CMPK2: variants seen among roughly 807,000 people sequenced by gnomAD.
CMPK2 encodes the protein cytidine/uridine monophosphate kinase 2, also known as UMP-CMP kinase 2, mitochondrial.
A neutral mutation model predicts 33.4 loss-of-function variants in CMPK2; 32 were observed. The observed-to-expected ratio is 0.96, with a 90% CI of 0.72 to 1.29. CMPK2 has a LOEUF of 1.29. Ranked by LOEUF, CMPK2 falls within the 50% of genes most tolerant of loss-of-function variation. The probability of loss-of-function intolerance (pLI) is 0.00; values close to 1 mark genes in which losing one functional copy is unlikely to be tolerated. For missense variants in CMPK2, 672 were observed against 616.0 expected (o/e 1.09, Z -0.96); for synonymous variants, 299 against 275.3 (o/e 1.09, Z -0.85).
chr2:6,851,399 C>T (rs754133914), intron 4 of CMPK2, 51 bp downstream of exon 4: 2 of 1,611,330 alleles, frequency 1.2e-6, no homozygotes, highest in African/African-American at 1.3e-5. Flanking sequence ...AGTGGTTCAT[C>T]TCCCTTCAGG....
chr2:6,841,805 T>C (rs1662240626), intron 3 of CMPK2, among the ~76,000 whole-genome samples: 1 of 152,142 alleles, frequency 6.6e-6, no homozygotes, highest in Non-Finnish European at 1.5e-5. Context: ...TCCTTTGCAA[T>C]GTATCATTGC....
Position 6,865,347 on chromosome 2 carries a change from C to A in CMPK2, c.350G>T (p.Cys117Phe). Residue 117 changes from cysteine (C) to phenylalanine (F), a missense_variant, in exon 1 of 5, where the codon TGC (cysteine) becomes TTC (phenylalanine). Cys to Phe is a radical substitution (Grantham distance 205). Coordinates refer to ENST00000256722, the MANE Select transcript of CMPK2 (RefSeq NM_207315.4). ...GCCGGCCTGGCCGCCCGGGCAGTAG[C>A]AGAGCAGCCTGAGCAGCTGGCACCG... ...FQRCQLLRLL[C>F]YCPGGQAGGA... 6.8e-7 allele frequency: 1 copy of A among 1,476,242 alleles called. No homozygotes were observed. The allele number at this position is 1,476,242 out of a possible 1,614,324, so 91.4% of individuals were successfully genotyped here. A position where few individuals can be genotyped will look rare whatever the true frequency, so the allele number is the denominator to read the frequency against.
intron 1 of CMPK2, among the ~76,000 whole-genome samples, chr2:6,864,172 C>G (rs1294312755): frequency 6.6e-6 from 1 of 150,578 alleles, no homozygotes; most frequent in Non-Finnish European, 1.5e-5. Context: ...AAGTGCTTTA[C>G]AAGTATTCAG....
chr2:6,846,565 T>C (rs1323948037), downstream of CMPK2, among the ~76,000 whole-genome samples: 1 of 152,116 alleles, frequency 6.6e-6, no homozygotes, highest in Non-Finnish European at 1.5e-5. Context: ...AAAGAAGAGG[T>C]TGGAGACATG....
chr2:6,860,705 A>G (rs1558326438), intron 3 of CMPK2, among the ~76,000 whole-genome samples: 1 of 152,232 alleles, frequency 6.6e-6, no homozygotes, highest in African/African-American at 2.4e-5. Flanking sequence ...AAATGGACTA[A>G]TACACTGGTT....
rs1221701343 is a variant in CMPK2 at position 6,865,123 on chromosome 2, C to G, written c.574G>C (p.Val192Leu). The change falls in exon 1 of 5, where the codon GTC (valine) becomes CTC (leucine). Residue 192 changes from valine to leucine, a missense_variant. By Grantham distance (32) the Val-to-Leu change is conservative. Transcript: ENST00000256722. ...AGCGGGGGCTCCGGGACGGGCACGACCTGTGCGCAGCCCACCTGCAGCCGC... is the reference window on the plus strand; with the variant it reads ...AGCGGGGGCTCCGGGACGGGCACGAGCTGTGCGCAGCCCACCTGCAGCCGC... Reference protein sequence around the residue: ...GRRLQVGCAQVVPVPEPPLHP... With the variant: ...GRRLQVGCAQLVPVPEPPLHP... 3 of 1,518,086 alleles carry G rather than the reference C, an allele frequency of 2.0e-6. No homozygotes were observed. Among genetic ancestry groups the G allele is most frequent in the Non-Finnish European group, 2.6e-6 (3 of 1,133,418 alleles). 94.0% of individuals were successfully genotyped at this position (1,518,086 alleles called of 1,614,324 possible). A position where few individuals can be genotyped will look rare whatever the true frequency, so the allele number is the denominator to read the frequency against.
In CMPK2 at chr2:6,849,033, A is replaced by C; in HGVS notation, c.*817T>G. 1.0e-6 allele frequency: 1 copy of C among 981,826 alleles called. No homozygotes were observed. Among genetic ancestry groups the C allele is most frequent in the Non-Finnish European group, 1.2e-6 (1 of 826,320 alleles). The allele number at this position is 981,826 out of a possible 1,614,324, so 60.8% of individuals were successfully genotyped here. A position where few individuals can be genotyped will look rare whatever the true frequency, so the allele number is the denominator to read the frequency against. ...AACATATTATGTATAGATTAATATAAATAAATTACTGGATTGGCTAAATGA... is the reference window on the plus strand; with the variant it reads ...AACATATTATGTATAGATTAATATACATAAATTACTGGATTGGCTAAATGA... On this transcript the variant is annotated 3_prime_UTR_variant, in exon 5 of 5. Coordinates refer to ENST00000256722, the MANE Select transcript of CMPK2 (RefSeq NM_207315.4).
intron 3 of CMPK2, among the ~76,000 whole-genome samples, chr2:6,858,596 CAAGATCTGATGGTTTTAAA>C (rs2103224761): frequency 6.6e-6 from 1 of 152,150 alleles, no homozygotes; most frequent in African/African-American, 2.4e-5. Flanking sequence ...CTAAGTCTCA[CAAGATCTGATGGTTTTAAA>C]AAGGGGAGTT....
chr2:6,859,728 C>T (rs1268273016), intron 3 of CMPK2, among the ~76,000 whole-genome samples: 1 of 152,222 alleles, frequency 6.6e-6, no homozygotes, highest in Non-Finnish European at 1.5e-5. Flanking sequence ...AGGAGTGGGG[C>T]TCTCATGGAG....
In CMPK2 at chr2:6,865,400, C is replaced by T. The variant is rs1663041674; in HGVS notation, c.297G>A (p.Leu99=). Residue 99 remains leucine, a synonymous_variant, in exon 1 of 5, where the codon CTG becomes CTA. Transcript: ENST00000256722. The part of the protein sequence containing the change: ...VRAARLHQRL[L]HQLRRGPFQR... ...GGAAGGGGCCGCGGCGCAGCTGGTG[C>T]AGCAGGCGCTGGTGCAGCCGCGCCG... is the stretch of plus-strand genomic sequence containing the variant. The T allele has an allele frequency of 3.7e-6, 5 of 1,350,568 alleles. No individual in the cohort carries two copies. Among genetic ancestry groups the T allele is most frequent in the Non-Finnish European group, 4.7e-6 (5 of 1,059,992 alleles). 83.7% of individuals were successfully genotyped at this position (1,350,568 alleles called of 1,614,324 possible). A position where few individuals can be genotyped will look rare whatever the true frequency, so the allele number is the denominator to read the frequency against.
intron 3 of CMPK2, among the ~76,000 whole-genome samples, chr2:6,853,251 A>T (rs1035341169): frequency 1.3e-5 from 2 of 152,128 alleles, no homozygotes; most frequent in African/African-American, 4.8e-5. Context: ...TGCCCGGCCC[A>T]ATTCTTTAAA....
In CMPK2 at chr2:6,865,658, C is replaced by G. The variant is rs1421567391; in HGVS notation, c.39G>C (p.Ser13=). 16 of 1,321,536 alleles carry G rather than the reference C, an allele frequency of 1.2e-5. No homozygotes were observed. The highest frequency in any genetic ancestry group is 1.5e-5 in the African/African-American group (1 of 64,528). The allele number at this position is 1,321,536 out of a possible 1,614,324, so 81.9% of individuals were successfully genotyped here. A position where few individuals can be genotyped will look rare whatever the true frequency, so the allele number is the denominator to read the frequency against. The change falls in exon 1 of 5, where the codon TCG becomes TCC. Residue 13 remains serine, a synonymous_variant. Transcript: ENST00000256722. ...CCCCGCGCCGCCCGAGCAGCGGCCCCGACAGTGGCCCGCGCAGGAGCCGGC... is the reference window on the plus strand; with the variant it reads ...CCCCGCGCCGCCCGAGCAGCGGCCCGGACAGTGGCCCGCGCAGGAGCCGGC... ...FARRLLRGPL[S]GPLLGRRGVC... is the part of the protein sequence containing the mutation.
At position 6,848,529 on chromosome 2, in the gene CMPK2, CATATT is replaced by C; in HGVS notation, c.*1316_*1320del. 4.2e-6 allele frequency: 4 copies of C among 946,034 alleles called. No homozygotes were observed. The highest frequency in any genetic ancestry group is 5.0e-6 in the Non-Finnish European group (4 of 794,120). 58.6% of individuals were successfully genotyped at this position (946,034 alleles called of 1,614,324 possible). ...GAAATCAATTACATTTTAATATACA[CATATT>C]ATATAGAAATTACCTATAGCTCTTT... is the stretch of plus-strand genomic sequence containing the variant. On this transcript the variant is annotated 3_prime_UTR_variant, in exon 5 of 5. Coordinates refer to ENST00000256722, the MANE Select transcript of CMPK2 (RefSeq NM_207315.4).
chr2:6,853,854 A>G (rs2103221074), intron 3 of CMPK2, among the ~76,000 whole-genome samples: 1 of 152,180 alleles, frequency 6.6e-6, no homozygotes, highest in Non-Finnish European at 1.5e-5. Context: ...GTGAGCCGAG[A>G]TCGCGCCACT....
At chr2:6,844,807 C>T (rs1052116370), downstream of CMPK2, among the ~76,000 whole-genome samples, 1 of 152,184 alleles carries the variant, frequency 6.6e-6, no homozygotes. Flanking sequence ...TAGCATCTCT[C>T]CATGTAAGAT....
Position 6,849,169 on chromosome 2 carries a change from G to A in CMPK2, c.*681C>T, listed in dbSNP as rs534311869. 91 of 985,246 alleles carry A rather than the reference G, an allele frequency of 9.2e-5. No individual in the cohort carries two copies. In the African/African-American group the frequency reaches 1.5e-3, roughly 17 times the overall value. The allele number at this position is 985,246 out of a possible 1,614,324, so 61.0% of individuals were successfully genotyped here. On this transcript the variant is annotated 3_prime_UTR_variant, in exon 5 of 5. Transcript: ENST00000256722. ...TAATTCAGAGAAGGTTGGTATATTT[G>A]CAGTTGGAGCATCTTGGCTTGAATG...
chr2:6,854,896 G>A (rs1662638031), intron 3 of CMPK2, among the ~76,000 whole-genome samples: 2 of 152,068 alleles, frequency 1.3e-5, no homozygotes, highest in African/African-American at 4.8e-5. Context: ...GGGACAGAGT[G>A]CAGAAATCCC....
upstream of CMPK2, chr2:6,866,451 T>G: frequency 1.0e-6 from 1 of 985,646 alleles, no homozygotes; most frequent in Non-Finnish European, 1.2e-6. Flanking sequence ...TCCCTCTTCT[T>G]GGAATTGCCC....
At chr2:6,844,380 G>T (rs1415514205), downstream of CMPK2, among the ~76,000 whole-genome samples, 8 of 152,304 alleles carry the variant, frequency 5.3e-5, no homozygotes, top group Admixed American at 5.2e-4. Context: ...TGTCTTTTAA[G>T]ATTAGCTTTC....
Sources: gnomAD v4.1 joint callset for allele counts (sites outside exome capture counted in the v4.1 genomes callset) on GRCh38, gnomAD v4.1.1 for gene constraint, MANE v1.5 for transcripts, NCBI Gene and HGNC (gene_info 2026-07-23, HGNC 2026-07-21) for gene names.